TEX11: variants seen among roughly 807,000 people sequenced by gnomAD.
TEX11 encodes testis expressed 11, also known as testis-expressed protein 11.
In TEX11, 7 loss-of-function variants were observed where a neutral mutation model predicts 84.4. The observed-to-expected ratio is 0.08, with a 90% CI of 0.05 to 0.16. The LOEUF is 0.16. TEX11 is among the 10% of genes least tolerant of loss of function. The probability of loss-of-function intolerance (pLI) is 1.00; values close to 1 mark genes in which losing one functional copy is unlikely to be tolerated. For synonymous variants in TEX11, 264 were observed against 222.8 expected, an observed-to-expected ratio of 1.18 and a Z score of -1.64; for missense variants, 551 against 660.5, an observed-to-expected ratio of 0.83 and a Z score of 1.82.
chrX:70,782,450 T>C (rs1569439694), intron 9 of TEX11, among the ~76,000 whole-genome samples: 1 of 109,848 alleles, frequency 9.1e-6, no homozygotes, highest in African/African-American at 3.3e-5. Flanking sequence ...AGTGACGGGA[T>C]TAAATTCACA....
intron 9 of TEX11, among the ~76,000 whole-genome samples, chrX:70,746,409 T>C (rs946061407): frequency 9.0e-6 from 1 of 111,352 alleles, no homozygotes; most frequent in African/African-American, 3.3e-5. Context: ...ATCCTGATCA[T>C]CTTTACTCCA....
chrX:70,867,597 G>A (rs2091606342), intron 4 of TEX11, among the ~76,000 whole-genome samples: 2 of 111,305 alleles, frequency 1.8e-5, no homozygotes, highest in African/African-American at 6.5e-5. Flanking sequence ...CAAAACTGGA[G>A]GCATCACACT....
At chrX:70,894,438 C>T (rs2091756158) in intron 2 of TEX11, among the ~76,000 whole-genome samples, 1 of 110,133 alleles carries the variant, frequency 9.1e-6, no homozygotes, top group Non-Finnish European at 1.9e-5. Flanking sequence ...CCATCCTGGC[C>T]AACCTGGTGA....
At chrX:70,753,349 G>A (rs1220412506) in intron 9 of TEX11, among the ~76,000 whole-genome samples, 1 of 111,385 alleles carries the variant, frequency 9.0e-6, no homozygotes, top group Non-Finnish European at 1.9e-5. Flanking sequence ...TTCCATTTAA[G>A]GAGAGAAAAT....
rs774277176 is a variant in TEX11, at chrX:70,850,679, C to A, written c.525+2355G>T. Among the ~76,000 whole-genome samples the A allele has an allele frequency of 2.7e-5, 3 of 110,660 alleles. No individual in the cohort carries two copies. In the Admixed American group the frequency reaches 2.9e-4, roughly 11 times the overall value. On this transcript the variant is annotated intron_variant, in intron 7 of 29. Coordinates refer to ENST00000374333, the MANE Select transcript of TEX11 (RefSeq NM_031276.3). ...TTGAGGGAGGAGGATCCCTTGAGCC[C>A]AGGAGGTTGAGGCTGCAGTGAGCTA...
intron 2 of TEX11, among the ~76,000 whole-genome samples, chrX:70,886,233 A>G (rs190588385): frequency 4.5e-5 from 5 of 112,154 alleles, no homozygotes; most frequent in African/African-American, 1.3e-4. Context: ...AATGTGGTAT[A>G]TACATACAAT....
At chrX:70,624,787 G>C in intron 19 of TEX11, 52 bp downstream of exon 19, 2 of 1,011,579 alleles carry the variant, frequency 2.0e-6, no homozygotes, top group South Asian at 4.4e-5. Flanking sequence ...TTGACTAAGA[G>C]CAAGATAAGC....
At chrX:70,645,447 G>A (rs929113112) in intron 17 of TEX11, among the ~76,000 whole-genome samples, 1 of 111,197 alleles carries the variant, frequency 9.0e-6, no homozygotes, top group African/African-American at 3.3e-5. Flanking sequence ...GTCCTAGTCA[G>A]AGTAATTAGG....
intron 7 of TEX11, among the ~76,000 whole-genome samples, chrX:70,841,417 G>A (rs952866766): frequency 9.0e-6 from 1 of 111,118 alleles, no homozygotes; most frequent in Admixed American, 9.6e-5. Flanking sequence ...AAATAAAGAT[G>A]TTCTTTGAAA....
At chrX:70,632,121 G>GAAA (rs199682126) in intron 17 of TEX11, among the ~76,000 whole-genome samples, 1 of 92,202 alleles carries the variant, frequency 1.1e-5, no homozygotes, top group Non-Finnish European at 2.1e-5. Context: ...AGGAAAACCT[G>GAAA]AAAAAAAAAA....
intron 7 of TEX11, among the ~76,000 whole-genome samples, chrX:70,843,163 A>G (rs751917642): frequency 5.9e-4 from 66 of 111,973 alleles, no homozygotes; most frequent in African/African-American, 2.0e-3. Flanking sequence ...AAGAGCCCAC[A>G]TTGCCAAGAC....
chrX:70,843,021 A>G (rs1238556411), intron 7 of TEX11, among the ~76,000 whole-genome samples: 5 of 112,015 alleles, frequency 4.5e-5, no homozygotes, highest in African/African-American at 1.6e-4. Flanking sequence ...TCATGGGTAG[A>G]AAGAATCAAT....
intron 17 of TEX11, among the ~76,000 whole-genome samples, chrX:70,639,003 C>T (rs935829723): frequency 9.1e-6 from 1 of 110,009 alleles, no homozygotes; most frequent in Non-Finnish European, 1.9e-5. Flanking sequence ...CTGAGGTACC[C>T]GGTTCATCTG....
intron 2 of TEX11, among the ~76,000 whole-genome samples, chrX:70,886,860 C>T (rs1450398658): frequency 8.9e-6 from 1 of 111,891 alleles, no homozygotes; most frequent in African/African-American, 3.2e-5. Flanking sequence ...GAGGCAAGAG[C>T]TGACAATATC....
intron 3 of TEX11, among the ~76,000 whole-genome samples, chrX:70,877,363 T>C (rs769218656): frequency 1.8e-5 from 2 of 109,634 alleles, no homozygotes; most frequent in African/African-American, 3.3e-5. Context: ...CTACTATCAA[T>C]AAAAAAACAG....
intron 9 of TEX11, among the ~76,000 whole-genome samples, chrX:70,756,532 G>A (rs1353875379): frequency 8.9e-6 from 1 of 111,954 alleles, no homozygotes; most frequent in Non-Finnish European, 1.9e-5. Flanking sequence ...TGAGGGGCTC[G>A]ACTGTTAGAA....
At chrX:70,859,529 C>G (rs1417931886) in intron 5 of TEX11, among the ~76,000 whole-genome samples, 2 of 97,796 alleles carry the variant, frequency 2.0e-5, no homozygotes, top group African/African-American at 7.6e-5. Flanking sequence ...CTGCAGTGAG[C>G]CGAGAACACA....
chrX:70,561,898 T>G (rs1056306853), intron 25 of TEX11, among the ~76,000 whole-genome samples: 1 of 112,397 alleles, frequency 8.9e-6, no homozygotes, highest in African/African-American at 3.2e-5. Context: ...AGTACTTGCT[T>G]ATGTGCAATT....
rs2091621030 is a variant in TEX11, at chrX:70,869,866, T to C, written c.244+3357A>G. Among the ~76,000 whole-genome samples, 3 of 112,049 alleles carry C rather than the reference T, an allele frequency of 2.7e-5. No homozygotes were observed. The Admixed American group carries it at 2.9e-4, about 11-fold the overall frequency. ...CTAAGAACTTTGTCTGCTCCAATCC[T>C]GACATTCATAATCCAGCTGTTTATA... On this transcript the variant is annotated intron_variant, in intron 4 of 29. Coordinates refer to ENST00000374333, the MANE Select transcript of TEX11 (RefSeq NM_031276.3).
Sources: allele counts gnomAD v4.1 joint callset (sites outside exome capture counted in the v4.1 genomes callset), GRCh38; gene constraint gnomAD v4.1.1; transcripts MANE v1.5; gene names NCBI Gene and HGNC (gene_info 2026-07-23, HGNC 2026-07-21).